The following MIDEAS variants were observed in gnomAD, a reference collection of about 807,000 sequenced individuals.
MIDEAS encodes mitotic deacetylase associated SANT domain protein, also known as mitotic deacetylase-associated SANT domain protein.
MIDEAS carries 26 observed loss-of-function variants against 102.7 expected under a neutral mutation model. That is an observed-to-expected ratio of 0.25 (90% CI 0.19 to 0.35). The LOEUF is 0.35. Ranked by LOEUF, MIDEAS falls within the 10% of genes least tolerant of loss-of-function variation. MIDEAS has a pLI of 1.00. For synonymous variants in MIDEAS, 585 were observed against 591.0 expected (o/e 0.99, Z 0.15); for missense variants, 1,231 against 1,435.6 (o/e 0.86, Z 2.30).
intron 3 of MIDEAS, among the ~76,000 whole-genome samples, chr14:73,734,243 A>G (rs1301455599): frequency 6.6e-6 from 1 of 152,146 alleles, no homozygotes; most frequent in Non-Finnish European, 1.5e-5. Flanking sequence ...ATGGCCTCCC[A>G]AAGTGCTGGG....
At chr14:73,756,266 C>CAGAG (rs768216831) in intron 1 of MIDEAS, among the ~76,000 whole-genome samples, 2,427 of 100,238 alleles carry the variant, frequency 0.024, 21 homozygotes, top group South Asian at 0.037. Flanking sequence ...GAGCCCATGT[C>CAGAG]AGTGTGTGTG....
At chr14:73,727,119 G>A in intron 5 of MIDEAS, 147 bp from the exon 6 acceptor site, 1 of 1,027,392 alleles carries the variant, frequency 9.7e-7, no homozygotes. Flanking sequence ...AGGGGCTTGG[G>A]AGGACAGCCT....
In MIDEAS at chr14:73,726,124, G is replaced by A. The variant is rs998068268; in HGVS notation, c.2410-16C>T. ...TCAGCGTTTCCTGGAGGGGAAGTGA[G>A]GGAAGGGTCAGGGCACTGACAGGGG... On this transcript the variant is annotated splice_polypyrimidine_tract_variant and intron_variant, in intron 7 of 12. Coordinates refer to ENST00000423556, the MANE Select transcript of MIDEAS (RefSeq NM_001367710.1). 5.7e-6 allele frequency: 9 copies of A among 1,579,208 alleles called. No individual in the cohort carries two copies. Among genetic ancestry groups the A allele is most frequent in the Admixed American group, 1.9e-5 (1 of 53,204 alleles).
chr14:73,785,235 T>G (rs2053795880), intron 1 of MIDEAS, among the ~76,000 whole-genome samples: 1 of 152,250 alleles, frequency 6.6e-6, no homozygotes, highest in Non-Finnish European at 1.5e-5. Flanking sequence ...CCTTTTTTAC[T>G]GTGTTTTAAA....
intron 7 of MIDEAS, 39 bp from the exon 8 acceptor site, chr14:73,726,147 G>A (rs2053057716): frequency 1.3e-6 from 2 of 1,486,042 alleles, no homozygotes; most frequent in African/African-American, 2.8e-5. Context: ...GCACTGACAG[G>A]GGTGTCGGTG....
At chr14:73,783,704 G>A (rs66845910) in intron 1 of MIDEAS, among the ~76,000 whole-genome samples, 7,296 of 152,308 alleles carry the variant, frequency 0.048, 186 homozygotes, top group Middle Eastern at 0.089. Flanking sequence ...TCATGCAGAC[G>A]AGAAAGAAGA....
At position 73,738,791 on chromosome 14, in the gene MIDEAS, C is replaced by A; in HGVS notation, c.1218G>T (p.Glu406Asp). 1 of 1,577,232 alleles carries A rather than the reference C, an allele frequency of 6.3e-7. No individual in the cohort carries two copies. The highest frequency in any genetic ancestry group is 1.2e-5 in the South Asian group (1 of 86,510). Residue 406 changes from glutamate to aspartate, a missense_variant, in exon 2 of 13, where the codon GAG becomes GAT. Glu to Asp is a conservative substitution (Grantham distance 45). This residue lies in a region of MIDEAS where 758 missense variants were observed against 856.0 expected (regional missense o/e 0.89). Transcript: ENST00000423556. Reference sequence around the variant, plus strand: ...TCTCCCCATCAGGCAGTAGCTGCGACTCCCTCAGCTCCAGCGGGAATCCCA... The same window carrying A: ...TCTCCCCATCAGGCAGTAGCTGCGAATCCCTCAGCTCCAGCGGGAATCCCA... ...EALGFPLELR[E>D]SQLLPDGERL...
At chr14:73,758,631 G>C (rs2140153900) in intron 1 of MIDEAS, 1 of 154,372 alleles carries the variant, frequency 6.5e-6, no homozygotes, top group African/African-American at 2.4e-5. Flanking sequence ...TCCACAGGCT[G>C]GCACACAGGT....
intron 1 of MIDEAS, among the ~76,000 whole-genome samples, chr14:73,783,000 T>C (rs554506613): frequency 1.3e-5 from 2 of 152,314 alleles, no homozygotes; most frequent in African/African-American, 4.8e-5. Context: ...GCTCTTTGTA[T>C]CAGCATCACA....
At chr14:73,780,921 C>A (rs1004134594) in intron 1 of MIDEAS, among the ~76,000 whole-genome samples, 5 of 142,042 alleles carry the variant, frequency 3.5e-5, no homozygotes, top group Middle Eastern at 3.6e-3. Context: ...CTCTTCTTCA[C>A]CCCTAGTTTT....
chr14:73,731,349 C>G (rs1260263646), intron 3 of MIDEAS, among the ~76,000 whole-genome samples: 5 of 152,200 alleles, frequency 3.3e-5, no homozygotes, highest in African/African-American at 1.2e-4. Context: ...CAGCAGAGGG[C>G]CCTGACTCCC....
intron 1 of MIDEAS, among the ~76,000 whole-genome samples, chr14:73,757,346 A>C (rs1228886164): frequency 6.8e-6 from 1 of 148,042 alleles, no homozygotes; most frequent in Non-Finnish European, 1.5e-5. Context: ...ATTCAAGCAG[A>C]GGCTACCAAA....
chr14:73,767,589 G>A (rs1307394008), intron 1 of MIDEAS, among the ~76,000 whole-genome samples: 1 of 151,964 alleles, frequency 6.6e-6, no homozygotes, highest in Non-Finnish European at 1.5e-5. Flanking sequence ...AGTGAGCTAT[G>A]ACTGCACCAC....
At chr14:73,730,593 CTACT>C (rs1454907826) in intron 3 of MIDEAS, among the ~76,000 whole-genome samples, 1 of 152,182 alleles carries the variant, frequency 6.6e-6, no homozygotes, top group Non-Finnish European at 1.5e-5. Flanking sequence ...GCTGTTATCA[CTACT>C]TAAACTCCAG....
chr14:73,737,773 C>CT (rs5809628), intron 2 of MIDEAS, among the ~76,000 whole-genome samples: 1,384 of 89,114 alleles, frequency 0.016, 11 homozygotes, highest in African/African-American at 0.022. Flanking sequence ...TCTCCGACCA[C>CT]TTTTTTTTTT....
Position 73,718,575 on chromosome 14 carries a change from G to A in MIDEAS, c.*268C>T, listed in dbSNP as rs2052929076. Reference sequence around the variant, plus strand: ...GAGAGGCGGTGGAGTCCCTCCCGAGGGGACCGGGACTCTCCCGGTCCAGGA... The same window carrying A: ...GAGAGGCGGTGGAGTCCCTCCCGAGAGGACCGGGACTCTCCCGGTCCAGGA... On this transcript the variant is annotated 3_prime_UTR_variant, in exon 13 of 13. Transcript: ENST00000423556. The A allele has an allele frequency of 9.2e-6, 3 of 326,738 alleles. No individual in the cohort carries two copies. The highest frequency in any genetic ancestry group is 1.7e-5 in the Non-Finnish European group (3 of 181,488). 20.2% of individuals were successfully genotyped at this position (326,738 alleles called of 1,614,324 possible).
At chr14:73,724,492 C>T (rs1320999352) in intron 9 of MIDEAS, 1 of 152,208 alleles carries the variant, frequency 6.6e-6, no homozygotes, top group African/African-American at 2.4e-5. Context: ...CGTGTACTTC[C>T]CGTCAGTATT....
At chr14:73,786,737 G>A (rs921347648) in intron 1 of MIDEAS, among the ~76,000 whole-genome samples, 2 of 152,236 alleles carry the variant, frequency 1.3e-5, no homozygotes, top group Non-Finnish European at 1.5e-5. Flanking sequence ...GGGAAGCACC[G>A]GGCAGGGGCC....
chr14:73,739,862 G>T lies in MIDEAS; in HGVS notation c.147C>A (p.His49Gln). ...IRVKEEQYLG[H>Q]EGPGGAVSTS... is the part of the protein sequence containing the mutation. Reference sequence around the variant, plus strand: ...TGGAGACTGCCCCTCCTGGACCCTCGTGCCCGAGGTACTGCTCCTCCTTCA... The same window carrying T: ...TGGAGACTGCCCCTCCTGGACCCTCTTGCCCGAGGTACTGCTCCTCCTTCA... Residue 49 changes from histidine (H) to glutamine (Q), a missense_variant, in exon 2 of 13, where the codon CAC becomes CAA. Transcript: ENST00000423556. 6.3e-7 allele frequency: 1 copy of T among 1,593,066 alleles called. No homozygotes were observed. Among genetic ancestry groups the T allele is most frequent in the Non-Finnish European group, 8.6e-7 (1 of 1,167,210 alleles).
Sources: gnomAD v4.1 joint callset for allele counts (sites outside exome capture counted in the v4.1 genomes callset) on GRCh38, gnomAD v4.1.1 for gene constraint, gnomAD v4.1.1 regional missense constraint, MANE v1.5 for transcripts, NCBI Gene and HGNC (gene_info 2026-07-23, HGNC 2026-07-21) for gene names.